The following FNIP1 variants were observed in gnomAD, a reference collection of about 807,000 sequenced individuals.
The protein encoded by FNIP1 is folliculin interacting protein 1.
In FNIP1, 40 loss-of-function variants were observed where a neutral mutation model predicts 124.5. The observed-to-expected ratio is 0.32, with a 90% CI of 0.25 to 0.42. FNIP1 has a LOEUF of 0.42. Among genes scored for constraint, FNIP1 ranks in the 10% least tolerant of loss-of-function variants. The pLI is 1.00. For missense variants in FNIP1, 1,176 were observed against 1,403.7 expected (o/e 0.84, Z 2.59); for synonymous variants, 472 against 470.6 (o/e 1.00, Z -0.04).
intron 2 of FNIP1, among the ~76,000 whole-genome samples, chr5:131,731,336 T>A (rs1269514295): frequency 6.6e-6 from 1 of 152,188 alleles, no homozygotes; most frequent in Non-Finnish European, 1.5e-5. Context: ...TATATTGCAG[T>A]AGTTTTCAAA....
At chr5:131,790,692 A>G (rs1210722466) in intron 1 of FNIP1, among the ~76,000 whole-genome samples, 1 of 152,228 alleles carries the variant, frequency 6.6e-6, no homozygotes, top group Non-Finnish European at 1.5e-5. Context: ...AGGACATGCA[A>G]TAAGCTATGA....
chr5:131,717,116 T>G (rs2149540873), intron 5 of FNIP1, among the ~76,000 whole-genome samples: 1 of 152,184 alleles, frequency 6.6e-6, no homozygotes, highest in East Asian at 1.9e-4. Flanking sequence ...TAGGTATATC[T>G]CCTAATGCTA....
chr5:131,700,231 C>T (rs530366869), intron 10 of FNIP1, among the ~76,000 whole-genome samples: 3 of 152,128 alleles, frequency 2.0e-5, no homozygotes, highest in Admixed American at 6.5e-5. Flanking sequence ...ATCCGCCTGC[C>T]TCGGCCTCCC....
At chr5:131,734,402 CT>C (rs1222745742) in intron 2 of FNIP1, among the ~76,000 whole-genome samples, 5 of 151,810 alleles carry the variant, frequency 3.3e-5, no homozygotes, top group Non-Finnish European at 2.9e-5. Flanking sequence ...TTCTCTAGTT[CT>C]TTTAATCATG....
intron 8 of FNIP1, among the ~76,000 whole-genome samples, chr5:131,709,000 T>A (rs1054951487): frequency 6.6e-6 from 1 of 152,162 alleles, no homozygotes; most frequent in Non-Finnish European, 1.5e-5. Context: ...CTTTACTTCA[T>A]CCTGGCTTTA....
intron 3 of FNIP1, among the ~76,000 whole-genome samples, chr5:131,724,768 C>A (rs1444292049): frequency 6.6e-6 from 1 of 152,068 alleles, no homozygotes; most frequent in East Asian, 1.9e-4. Context: ...GTCATAAAGT[C>A]TTTGCCTATG....
At chr5:131,750,624 T>C (rs1261394399) in intron 1 of FNIP1, among the ~76,000 whole-genome samples, 1 of 151,690 alleles carries the variant, frequency 6.6e-6, no homozygotes, top group Non-Finnish European at 1.5e-5. Flanking sequence ...TTCTTTTTTT[T>C]TTTTTTTAGA....
At chr5:131,660,842 C>T (rs1203765025) in intron 15 of FNIP1, among the ~76,000 whole-genome samples, 5 of 152,218 alleles carry the variant, frequency 3.3e-5, no homozygotes, top group Admixed American at 1.3e-4. Flanking sequence ...CAAGTGGCTG[C>T]GTAGTTCTCT....
intron 15 of FNIP1, among the ~76,000 whole-genome samples, chr5:131,653,675 AC>A (rs1324282964): frequency 1.3e-5 from 2 of 152,238 alleles, no homozygotes; most frequent in Non-Finnish European, 2.9e-5. Context: ...TGAAGCAAGA[AC>A]GTTAAGAGTA....
intron 3 of FNIP1, among the ~76,000 whole-genome samples, chr5:131,726,982 T>C (rs1171705462): frequency 6.6e-6 from 1 of 152,218 alleles, no homozygotes. Context: ...TAATCCTGAA[T>C]TCTAATTTGA....
intron 8 of FNIP1, among the ~76,000 whole-genome samples, chr5:131,708,800 AAAG>A (rs992232814): frequency 6.6e-5 from 10 of 152,162 alleles, no homozygotes; most frequent in Admixed American, 4.6e-4. Flanking sequence ...AAAAAAAAAA[AAAG>A]TATAACATTG....
chr5:131,767,720 T>C (rs543664873), intron 1 of FNIP1, among the ~76,000 whole-genome samples: 2 of 152,266 alleles, frequency 1.3e-5, no homozygotes, highest in South Asian at 4.1e-4. Flanking sequence ...GTATATATAG[T>C]AATCATTTTT....
chr5:131,735,022 C>T (rs1770239776), intron 2 of FNIP1, among the ~76,000 whole-genome samples: 1 of 152,140 alleles, frequency 6.6e-6, no homozygotes, highest in African/African-American at 2.4e-5. Context: ...ATGTTTATTG[C>T]AGCACTACTC....
chr5:131,703,537 G>A (rs534535821), intron 10 of FNIP1, among the ~76,000 whole-genome samples: 1 of 152,306 alleles, frequency 6.6e-6, no homozygotes, highest in South Asian at 2.1e-4. Context: ...TTAAGTATCA[G>A]GCTTACTCCT....
intron 1 of FNIP1, among the ~76,000 whole-genome samples, chr5:131,751,094 TGG>T (rs1263546713): frequency 6.6e-6 from 1 of 152,186 alleles, no homozygotes; most frequent in African/African-American, 2.4e-5. Flanking sequence ...AAGCTCTTCA[TGG>T]GCTGGCCCAG....
intron 2 of FNIP1, among the ~76,000 whole-genome samples, chr5:131,744,002 A>C (rs1473778092): frequency 1.3e-5 from 2 of 152,188 alleles, no homozygotes; most frequent in Non-Finnish European, 2.9e-5. Flanking sequence ...TAATGAGACT[A>C]ATGAAGCATC....
chr5:131,793,010 T>C (rs1397560858), intron 1 of FNIP1, among the ~76,000 whole-genome samples: 2 of 152,126 alleles, frequency 1.3e-5, no homozygotes, highest in East Asian at 1.9e-4. Context: ...GCCAAATTAG[T>C]TTTCAGGAAT....
In FNIP1 at chr5:131,709,260, G is replaced by C; in HGVS notation, c.719C>G (p.Pro240Arg). The C allele has an allele frequency of 1.2e-6, 2 of 1,613,808 alleles. No individual in the cohort carries two copies. Among genetic ancestry groups the C allele is most frequent in the Non-Finnish European group, 1.7e-6 (2 of 1,179,816 alleles). Residue 240 changes from proline to arginine, a missense_variant, in exon 8 of 18, where the codon CCA becomes CGA. Around this residue, in one of 2 missense-constraint regions of FNIP1, gnomAD observed 1,109 missense variants for 1,288.5 expected, o/e 0.86. Transcript: ENST00000510461. ...GAGCTCTCTTCCAGGCATGTCCATT[G>C]GGTTGCTGTGAACTATAAATAAAGA... ...SASFFAVHSNPMDMPGRELNE... is the reference protein window; with the variant it reads ...SASFFAVHSNRMDMPGRELNE...
intron 11 of FNIP1, among the ~76,000 whole-genome samples, chr5:131,688,845 T>TA (rs980602004): frequency 4.6e-5 from 7 of 150,728 alleles, no homozygotes; most frequent in African/African-American, 1.7e-4. Context: ...GAATAAAGGA[T>TA]AAAAAATAAT....
Sources: allele counts gnomAD v4.1 joint callset (sites outside exome capture counted in the v4.1 genomes callset), GRCh38; gene constraint gnomAD v4.1.1; regional missense constraint gnomAD v4.1.1; transcripts MANE v1.5; gene names NCBI Gene and HGNC (gene_info 2026-07-23, HGNC 2026-07-21).